ANTXR1: variants seen among roughly 807,000 people sequenced by gnomAD.
ANTXR1 encodes ANTXR cell adhesion molecule 1, also known as anthrax toxin receptor 1.
Under a neutral mutation model 78.1 loss-of-function variants are expected in ANTXR1, and 19 were observed. The ratio of observed to expected loss-of-function variants is 0.24; its 90% CI spans 0.17 to 0.36. ANTXR1 has a LOEUF of 0.36. Among genes scored for constraint, ANTXR1 ranks in the 10% least tolerant of loss-of-function variants. ANTXR1 has a pLI of 1.00. For missense variants in ANTXR1, 518 were observed against 718.6 expected, an observed-to-expected ratio of 0.72 and a Z score of 3.19; for synonymous variants, 273 against 260.5, an observed-to-expected ratio of 1.05 and a Z score of -0.46.
At chr2:69,064,084 C>T (rs1221602921) in intron 3 of ANTXR1, among the ~76,000 whole-genome samples, 3 of 152,164 alleles carry the variant, frequency 2.0e-5, no homozygotes, top group Non-Finnish European at 4.4e-5. Flanking sequence ...CCAAGACTTA[C>T]ATTAAATATA....
chr2:69,107,527 G>A lies in ANTXR1; in HGVS notation c.802+4587G>A, dbSNP rs372159967. ...AATGCTGGAATTACAGGTGTGGGCCGCCACACCCAGCCAAGAAAAAGCATA... is the reference window on the plus strand; with the variant it reads ...AATGCTGGAATTACAGGTGTGGGCCACCACACCCAGCCAAGAAAAAGCATA... On this transcript the variant is annotated intron_variant, in intron 10 of 17. Coordinates refer to ENST00000303714, the MANE Select transcript of ANTXR1 (RefSeq NM_032208.3). 1.7e-3 allele frequency among the ~76,000 whole-genome samples: 258 copies of A among 151,968 alleles called. 1 individual carries two copies. Among genetic ancestry groups the A allele is most frequent in the African/African-American group, 5.7e-3 (238 of 41,406 alleles).
Position 69,081,984 on chromosome 2 carries a change from C to T in ANTXR1, c.642+4496C>T, listed in dbSNP as rs185463309. Among the ~76,000 whole-genome samples the T allele has an allele frequency of 1.8e-4, 28 of 152,316 alleles. No homozygotes were observed. In the East Asian group the frequency reaches 4.4e-3, roughly 24 times the overall value. ...CACACAGCACAGTGAGTAGTGATCC[C>T]GAATAGACTCAAGTCTTTCTAATGC... On this transcript the variant is annotated intron_variant, in intron 8 of 17. Transcript: ENST00000303714.
intron 17 of ANTXR1, among the ~76,000 whole-genome samples, chr2:69,231,068 T>C (rs915495964): frequency 1.3e-5 from 2 of 152,268 alleles, no homozygotes; most frequent in Non-Finnish European, 2.9e-5. Context: ...TTTGGTTTTC[T>C]GTTCCTGCTT....
chr2:69,059,548 G>A (rs1337092636), intron 3 of ANTXR1, among the ~76,000 whole-genome samples: 1 of 151,390 alleles, frequency 6.6e-6, no homozygotes, highest in African/African-American at 2.4e-5. Context: ...GCACGATCTT[G>A]GCTCACTGCA....
intron 17 of ANTXR1, among the ~76,000 whole-genome samples, chr2:69,223,709 A>G (rs1675377413): frequency 6.6e-6 from 1 of 152,244 alleles, no homozygotes; most frequent in East Asian, 1.9e-4. Context: ...GAAGGTTTTA[A>G]TATCTTCATT....
chr2:69,225,381 A>G (rs1675420479), intron 17 of ANTXR1, among the ~76,000 whole-genome samples: 1 of 152,170 alleles, frequency 6.6e-6, no homozygotes, highest in African/African-American at 2.4e-5. Flanking sequence ...TCGGGAGGCC[A>G]AAGTGGAAGG....
intron 1 of ANTXR1, among the ~76,000 whole-genome samples, chr2:69,032,463 C>T (rs1259214225): frequency 1.3e-5 from 2 of 152,026 alleles, no homozygotes; most frequent in African/African-American, 2.4e-5. Context: ...CCTCATTCTG[C>T]GTCACTTCCT....
In ANTXR1 at chr2:69,187,585, C is replaced by CTTTTTTTT. The variant is rs58660678; in HGVS notation, c.1353+4939_1353+4946dup. Among the ~76,000 whole-genome samples, 766 of 94,880 alleles carry CTTTTTTTT rather than the reference C, an allele frequency of 8.1e-3. 64 individuals are homozygous for CTTTTTTTT. The highest frequency in any genetic ancestry group is 0.034 in the African/African-American group (736 of 21,928). The allele number at this position is 94,880 out of a possible 152,430, so 62.2% of individuals were successfully genotyped here. On this transcript the variant is annotated intron_variant, in intron 16 of 17. Transcript: ENST00000303714. ...GGGTCACACTATTTATCATGTATTTCTTTTTTTTTTTTTTTTTTTTTGAGA... is the reference window on the plus strand; with the variant it reads ...GGGTCACACTATTTATCATGTATTTCTTTTTTTTTTTTTTTTTTTTTTTTTTTTTGAGA...
intron 13 of ANTXR1, among the ~76,000 whole-genome samples, chr2:69,156,084 G>C (rs1410297571): frequency 6.6e-6 from 1 of 152,112 alleles, no homozygotes; most frequent in Non-Finnish European, 1.5e-5. Context: ...GAGCAGCCCA[G>C]CTTGCTGATG....
chr2:69,242,896 G>A (rs988835760), intron 17 of ANTXR1, among the ~76,000 whole-genome samples: 1 of 152,246 alleles, frequency 6.6e-6, no homozygotes, highest in African/African-American at 2.4e-5. Flanking sequence ...GGAATGTACA[G>A]TACTGGGTTA....
intron 17 of ANTXR1, among the ~76,000 whole-genome samples, chr2:69,198,953 T>C (rs992925903): frequency 3.3e-5 from 5 of 152,194 alleles, no homozygotes; most frequent in African/African-American, 1.2e-4. Context: ...GGCCATCCCA[T>C]TGAACAGAGC....
intron 1 of ANTXR1, among the ~76,000 whole-genome samples, chr2:69,035,470 C>G (rs956466392): frequency 6.6e-6 from 1 of 152,086 alleles, no homozygotes; most frequent in African/African-American, 2.4e-5. Flanking sequence ...AGGTGCAGAT[C>G]GAGATACCCC....
chr2:69,092,160 T>C (rs528910572), intron 9 of ANTXR1, among the ~76,000 whole-genome samples: 82 of 152,334 alleles, frequency 5.4e-4, no homozygotes, highest in African/African-American at 2.0e-3. Context: ...ACAGAAAATA[T>C]GTCATACAAC....
At chr2:69,052,377 G>T (rs752630035) in intron 3 of ANTXR1, among the ~76,000 whole-genome samples, 2 of 151,794 alleles carry the variant, frequency 1.3e-5, no homozygotes, top group Admixed American at 1.3e-4. Flanking sequence ...TCACCTCCAG[G>T]TAAATATTTC....
At chr2:69,218,147 A>G (rs1675224949) in intron 17 of ANTXR1, among the ~76,000 whole-genome samples, 1 of 152,170 alleles carries the variant, frequency 6.6e-6, no homozygotes, top group South Asian at 2.1e-4. Context: ...CAAAGGTTCT[A>G]ACAGTTCATT....
rs577011556 is a variant in ANTXR1, at chr2:69,027,289, C to T, written c.153-12755C>T. 7.2e-5 allele frequency among the ~76,000 whole-genome samples: 11 copies of T among 152,274 alleles called. No homozygotes were observed. In the South Asian group the frequency reaches 2.3e-3, roughly 32 times the overall value. Reference sequence around the variant, plus strand: ...TGCTGAGTCCTCCCGCCAGATCGCGCGCCTCCAGGGAAACGGCAGAGTTTT... The same window carrying T: ...TGCTGAGTCCTCCCGCCAGATCGCGTGCCTCCAGGGAAACGGCAGAGTTTT... On this transcript the variant is annotated intron_variant, in intron 1 of 17. Coordinates refer to ENST00000303714, the MANE Select transcript of ANTXR1 (RefSeq NM_032208.3).
intron 8 of ANTXR1, among the ~76,000 whole-genome samples, chr2:69,082,482 A>G (rs192413208): frequency 3.3e-5 from 5 of 152,232 alleles, no homozygotes; most frequent in Non-Finnish European, 1.5e-5. Flanking sequence ...TTCTTCAGGG[A>G]ATTTCCACCG....
chr2:69,064,749 A>G (rs1670344436), intron 3 of ANTXR1, among the ~76,000 whole-genome samples: 1 of 152,242 alleles, frequency 6.6e-6, no homozygotes, highest in Admixed American at 6.5e-5. Flanking sequence ...CTAGAGATAA[A>G]AAGTTATCGA....
chr2:69,104,041 C>T (rs1461409286), intron 10 of ANTXR1, among the ~76,000 whole-genome samples: 2 of 151,120 alleles, frequency 1.3e-5, no homozygotes, highest in African/African-American at 4.9e-5. Flanking sequence ...CAAGTTGAAG[C>T]GATTCTCCTG....
Sources: gnomAD v4.1 joint callset for allele counts (sites outside exome capture counted in the v4.1 genomes callset) on GRCh38, gnomAD v4.1.1 for gene constraint, MANE v1.5 for transcripts, NCBI Gene and HGNC (gene_info 2026-07-23, HGNC 2026-07-21) for gene names.